OGFOD1: variants seen among roughly 807,000 people sequenced by gnomAD.
The protein encoded by OGFOD1 is prolyl 3-hydroxylase OGFOD1.
A neutral mutation model predicts 67.7 loss-of-function variants in OGFOD1; 54 were observed. That is an observed-to-expected ratio of 0.80 (90% CI 0.64 to 1.00). The LOEUF (loss-of-function observed/expected upper bound fraction) is 1.00. OGFOD1 is among the 50% of genes least tolerant of loss of function. The probability of loss-of-function intolerance (pLI) is 0.00; values close to 1 mark genes in which losing one functional copy is unlikely to be tolerated. For missense variants in OGFOD1, 606 were observed against 646.7 expected (o/e 0.94, Z 0.68); for synonymous variants, 221 against 227.0 (o/e 0.97, Z 0.24).
chr16:56,468,285 G>A (rs1447272215), intron 8 of OGFOD1, among the ~76,000 whole-genome samples: 1 of 152,168 alleles, frequency 6.6e-6, no homozygotes, highest in Non-Finnish European at 1.5e-5. Flanking sequence ...CCCTGAAAAG[G>A]AGTTGTGTGT....
intron 2 of OGFOD1, among the ~76,000 whole-genome samples, chr16:56,454,132 G>A (rs1356066381): frequency 6.6e-6 from 1 of 152,102 alleles, no homozygotes; most frequent in Non-Finnish European, 1.5e-5. Context: ...TAGATCGCCT[G>A]AGGTCAGGAG....
Position 56,462,543 on chromosome 16 carries a change from G to C in OGFOD1, c.357G>C (p.Leu119=), listed in dbSNP as rs1425609703. ...EPHISTLRKI[L]FEDFRSWLSD... is the part of the protein sequence containing the mutation. ...TTGTTTACATTTCTAGGAAAATTCT[G>C]TTTGAAGATTTCCGGTCCTGGCTTT... Residue 119 remains leucine (L), a synonymous_variant, in exon 4 of 13, where the codon CTG becomes CTC. Coordinates refer to ENST00000566157, the MANE Select transcript of OGFOD1 (RefSeq NM_018233.4). 1 of 1,608,160 alleles carries C rather than the reference G, an allele frequency of 6.2e-7. No homozygotes were observed. Among genetic ancestry groups the C allele is most frequent in the Non-Finnish European group, 8.5e-7 (1 of 1,174,712 alleles).
At chr16:56,463,676 C>T (rs1325480288) in intron 4 of OGFOD1, among the ~76,000 whole-genome samples, 4 of 151,356 alleles carry the variant, frequency 2.6e-5, no homozygotes, top group Non-Finnish European at 5.9e-5. Context: ...CCTGCCTTTG[C>T]CTCCCAAAAT....
chr16:56,470,100 A>G lies in OGFOD1; in HGVS notation c.980+18A>G, dbSNP rs1442800511. On this transcript the variant is annotated intron_variant, in intron 9 of 12. Transcript: ENST00000566157. ...AACAAAAGGTAGAACCCGTCATCTGAGATATTTGCTTCTACATTCAGCACC... is the reference window on the plus strand; with the variant it reads ...AACAAAAGGTAGAACCCGTCATCTGGGATATTTGCTTCTACATTCAGCACC... The G allele has an allele frequency of 6.2e-7, 1 of 1,607,464 alleles. No homozygotes were observed. Among genetic ancestry groups the G allele is most frequent in the Non-Finnish European group, 8.5e-7 (1 of 1,174,218 alleles).
chr16:56,459,280 G>A (rs1962633537), intron 3 of OGFOD1, among the ~76,000 whole-genome samples: 1 of 151,816 alleles, frequency 6.6e-6, no homozygotes, highest in Non-Finnish European at 1.5e-5. Context: ...GTGGAGGTTG[G>A]GGTGAGCCGA....
At chr16:56,463,028 GA>G (rs1236186471) in intron 4 of OGFOD1, among the ~76,000 whole-genome samples, 1 of 151,650 alleles carries the variant, frequency 6.6e-6, no homozygotes, top group African/African-American at 2.4e-5. Context: ...ATTCTTAAAG[GA>G]AAAAAAATCA....
chr16:56,461,332 C>T (rs1329677962), intron 3 of OGFOD1, among the ~76,000 whole-genome samples: 2 of 152,116 alleles, frequency 1.3e-5, no homozygotes, highest in Admixed American at 6.5e-5. Context: ...TGCTGAACTC[C>T]CATGGAAGTG....
At chr16:56,459,641 TTTAA>T (rs1962644813) in intron 3 of OGFOD1, among the ~76,000 whole-genome samples, 1 of 149,656 alleles carries the variant, frequency 6.7e-6, no homozygotes, top group African/African-American at 2.4e-5. Flanking sequence ...TGTGTCCTAC[TTTAA>T]TTGACAGCAT....
At chr16:56,455,900 CAA>C (rs1343862364) in intron 2 of OGFOD1, among the ~76,000 whole-genome samples, 3 of 151,914 alleles carry the variant, frequency 2.0e-5, no homozygotes, top group African/African-American at 7.3e-5. Flanking sequence ...AAGAAAAAAA[CAA>C]AGTTCTTGAC....
rs1009984120 is a variant in OGFOD1 at position 56,467,445 on chromosome 16, G to A, written c.786+152G>A. 72 of 661,904 alleles carry A rather than the reference G, an allele frequency of 1.1e-4. No homozygotes were observed. The Admixed American group carries it at 1.9e-3, about 18-fold the overall frequency. The allele number at this position is 661,904 out of a possible 1,614,324, so 41.0% of individuals were successfully genotyped here. ...TTTTTTCTTCCTTTTTTTTTTTTTT[G>A]AGACAGAGTCTTGCTCCGTCACCCA... On this transcript the variant is annotated intron_variant, in intron 7 of 12. Coordinates refer to ENST00000566157, the MANE Select transcript of OGFOD1 (RefSeq NM_018233.4).
Position 56,474,833 on chromosome 16 carries a change from A to C in OGFOD1, c.1291A>C (p.Ser431Arg), listed in dbSNP as rs1239716012. Reference sequence around the variant, plus strand: ...ATCTTTTTTTTTTTCCTTAGAATCAAGTGTTCCCATGTGCCAAGGGGAACT... The same window carrying C: ...ATCTTTTTTTTTTTCCTTAGAATCACGTGTTCCCATGTGCCAAGGGGAACT... ...PEENETKKES[S>R]VPMCQGELRH... is the part of the protein sequence containing the mutation. Residue 431 changes from serine to arginine, a missense_variant, in exon 11 of 13, where the codon AGT becomes CGT. Transcript: ENST00000566157. 6.2e-7 allele frequency: 1 copy of C among 1,604,898 alleles called. No homozygotes were observed. The highest frequency in any genetic ancestry group is 2.2e-5 in the East Asian group (1 of 44,824).
chr16:56,469,948 A>G, intron 8 of OGFOD1, 55 bp from the exon 9 acceptor site: 1 of 1,482,918 alleles, frequency 6.7e-7, no homozygotes, highest in Non-Finnish European at 9.4e-7. Flanking sequence ...CTGCCAAACC[A>G]GTGCGGGGTA....
rs1963555367 is a variant in OGFOD1 at position 56,478,074 on chromosome 16, AAG to A, written c.*1871_*1872del. The A allele has an allele frequency of 6.6e-6, 1 of 152,216 alleles. No individual in the cohort carries two copies. Among genetic ancestry groups the A allele is most frequent in the African/African-American group, 2.4e-5 (1 of 41,458 alleles). The allele number at this position is 152,216 out of a possible 1,614,324, so 9.4% of individuals were successfully genotyped here. On this transcript the variant is annotated 3_prime_UTR_variant, in exon 13 of 13. Transcript: ENST00000566157. ...ACTAATTTTTAAATGATGAGATAAA[AAG>A]AAATATCTAGAACTAGTTCTAACAT...
Position 56,476,396 on chromosome 16 carries a change from C to T in OGFOD1, c.*191C>T. 2.7e-6 allele frequency: 1 copy of T among 376,810 alleles called. No individual in the cohort carries two copies. The highest frequency in any genetic ancestry group is 4.6e-6 in the Non-Finnish European group (1 of 219,230). The allele number at this position is 376,810 out of a possible 1,614,324, so 23.3% of individuals were successfully genotyped here. A position where few individuals can be genotyped will look rare whatever the true frequency, so the allele number is the denominator to read the frequency against. On this transcript the variant is annotated 3_prime_UTR_variant, in exon 13 of 13. Transcript: ENST00000566157. ...CTTGAGCTTGCAGCTAAGTACTTAT[C>T]TCTTGATTAAAAAAAAAAAGTTGGC...
At chr16:56,464,086 T>C (rs1962816974) in intron 4 of OGFOD1, among the ~76,000 whole-genome samples, 1 of 152,190 alleles carries the variant, frequency 6.6e-6, no homozygotes, top group Non-Finnish European at 1.5e-5. Flanking sequence ...CCTCCATCTT[T>C]CCTGGACTTT....
intron 2 of OGFOD1, chr16:56,454,779 A>G: frequency 2.2e-6 from 1 of 448,898 alleles, no homozygotes; most frequent in East Asian, 7.2e-5. Context: ...ACTAGAGCTG[A>G]TTGGTCAGAT....
intron 3 of OGFOD1, 139 bp from the exon 4 acceptor site, chr16:56,462,395 G>A: frequency 1.7e-6 from 1 of 605,000 alleles, no homozygotes; most frequent in Non-Finnish European, 3.0e-6. Context: ...TTCTCAGAAT[G>A]TCTCAAATGA....
intron 9 of OGFOD1, 85 bp from the exon 10 acceptor site, chr16:56,470,402 G>T: frequency 8.1e-7 from 1 of 1,232,562 alleles, no homozygotes. Context: ...AGGAAGAGAG[G>T]TACAAAGCTA....
chr16:56,471,857 A>G (rs556127047), intron 10 of OGFOD1, among the ~76,000 whole-genome samples: 3 of 152,364 alleles, frequency 2.0e-5, no homozygotes, highest in East Asian at 3.9e-4. Context: ...TTCCATGTTA[A>G]TTGATACTGG....
Sources: gnomAD v4.1 joint callset for allele counts (sites outside exome capture counted in the v4.1 genomes callset) on GRCh38, gnomAD v4.1.1 for gene constraint, MANE v1.5 for transcripts, NCBI Gene and HGNC (gene_info 2026-07-23, HGNC 2026-07-21) for gene names.